The following SLC4A4 variants were observed in gnomAD, a reference collection of about 807,000 sequenced individuals.
SLC4A4 encodes solute carrier family 4 member 4.
Under a neutral mutation model 111.5 loss-of-function variants are expected in SLC4A4, and 27 were observed. That is an observed-to-expected ratio of 0.24 (90% confidence interval 0.18 to 0.33). SLC4A4 has a LOEUF of 0.33. Among genes scored for constraint, SLC4A4 ranks in the 10% least tolerant of loss-of-function variants. The pLI, the probability that SLC4A4 is intolerant of heterozygous loss-of-function variation, is 1.00. For synonymous variants in SLC4A4, 443 were observed against 463.4 expected (o/e 0.96, Z 0.57); for missense variants, 909 against 1,315.5 (o/e 0.69, Z 4.78).
At chr4:71,490,714 T>G (rs1431300933) in intron 15 of SLC4A4, among the ~76,000 whole-genome samples, 1 of 151,792 alleles carries the variant, frequency 6.6e-6, no homozygotes, top group East Asian at 2.0e-4. Flanking sequence ...CAGTCTTTCG[T>G]GTATTACCCA....
chr4:71,167,219 AC>A (rs771602634), intron 2 of SLC4A4, among the ~76,000 whole-genome samples: 9 of 152,146 alleles, frequency 5.9e-5, no homozygotes, highest in Non-Finnish European at 1.0e-4. Flanking sequence ...CAGACTACCT[AC>A]AGAGAGGTGG....
chr4:71,210,305 T>C (rs900441607), intron 1 of SLC4A4, among the ~76,000 whole-genome samples: 4 of 152,232 alleles, frequency 2.6e-5, no homozygotes, highest in African/African-American at 9.6e-5. Flanking sequence ...TTCTTGGCTG[T>C]TTAATAGCCA....
chr4:71,180,773 T>C (rs1229762656), intron 2 of SLC4A4, among the ~76,000 whole-genome samples: 1 of 152,118 alleles, frequency 6.6e-6, no homozygotes, highest in Non-Finnish European at 1.5e-5. Context: ...ATTCAACCAT[T>C]GTGGAAGTCA....
chr4:71,561,887 A>C (rs939608397), intron 23 of SLC4A4, among the ~76,000 whole-genome samples: 2 of 151,864 alleles, frequency 1.3e-5, no homozygotes, highest in Non-Finnish European at 2.9e-5. Flanking sequence ...GTACCTGGAC[A>C]TCAAATTTAA....
At chr4:71,121,294 G>A (rs553544155) in intron 2 of SLC4A4, among the ~76,000 whole-genome samples, 7 of 151,920 alleles carry the variant, frequency 4.6e-5, no homozygotes, top group South Asian at 2.1e-4. Flanking sequence ...CGTGGCGCCC[G>A]GTCTCATCGA....
At chr4:71,485,744 T>A (rs974071688) in intron 14 of SLC4A4, among the ~76,000 whole-genome samples, 5 of 94,712 alleles carry the variant, frequency 5.3e-5, no homozygotes, top group African/African-American at 1.4e-4. Context: ...GTTGTTTTTC[T>A]TGTTTTTTTT....
chr4:71,097,191 T>A lies in SLC4A4; in HGVS notation c.-2+4399T>A, dbSNP rs556837306. On this transcript the variant is annotated intron_variant, in intron 2 of 26. Coordinates refer to the SLC4A4 transcript ENST00000649996. ...CCTCCTCCCATCATCCACCCTTAAG[T>A]AGGTCCCAGTGTCTGTTGTTTCCCT... Among the ~76,000 whole-genome samples the A allele has an allele frequency of 1.5e-4, 23 of 152,230 alleles. No homozygotes were observed. In the South Asian group the frequency reaches 4.6e-3, roughly 30 times the overall value.
At chr4:71,175,763 C>T (rs563680443) in intron 2 of SLC4A4, among the ~76,000 whole-genome samples, 5 of 152,198 alleles carry the variant, frequency 3.3e-5, no homozygotes, top group Non-Finnish European at 7.3e-5. Flanking sequence ...CAGGGCATAG[C>T]CAAACAAAAG....
intron 6 of SLC4A4, 51 bp downstream of exon 6, chr4:71,357,238 C>G (rs1304643160): frequency 1.3e-6 from 2 of 1,542,984 alleles, no homozygotes; most frequent in African/African-American, 1.4e-5. Context: ...TTTCACTCAC[C>G]TTTACACCGT....
chr4:71,339,371 C>G lies in SLC4A4; in HGVS notation c.255C>G (p.Ile85Met), dbSNP rs1728699445. ...ACCACAGTATTTTCACTTCTGCAGT[C>G]TCTCCTGCTGCAGAACGCATCCGAT... ...ESSSSILKPL[I>M]SPAAERIRFI... is the part of the protein sequence containing the mutation. The change falls in exon 4 of 26, where the codon ATC becomes ATG. Residue 85 changes from isoleucine (I) to methionine (M), a missense_variant and splice_region_variant. Transcript: ENST00000264485. The G allele has an allele frequency of 1.9e-6, 3 of 1,614,004 alleles. No homozygotes were observed. The highest frequency in any genetic ancestry group is 2.2e-5 in the East Asian group (1 of 44,874).
intron 2 of SLC4A4, among the ~76,000 whole-genome samples, chr4:71,093,908 A>C (rs1052724731): frequency 3.9e-5 from 6 of 152,202 alleles, no homozygotes; most frequent in Non-Finnish European, 8.8e-5. Flanking sequence ...GGCAACTTTA[A>C]ATGTTCGAAA....
At chr4:71,290,198 A>G (rs755567927) in intron 3 of SLC4A4, among the ~76,000 whole-genome samples, 1 of 152,214 alleles carries the variant, frequency 6.6e-6, no homozygotes, top group Non-Finnish European at 1.5e-5. Flanking sequence ...AGTCTTGGCC[A>G]TCGACTTTGG....
chr4:71,421,190 T>C (rs1722445375), intron 7 of SLC4A4, among the ~76,000 whole-genome samples: 1 of 151,962 alleles, frequency 6.6e-6, no homozygotes, highest in Non-Finnish European at 1.5e-5. Flanking sequence ...TCAATCCTAG[T>C]CTCTGATAAA....
chr4:71,091,616 C>T (rs1039646612), intron 1 of SLC4A4, among the ~76,000 whole-genome samples: 3 of 151,976 alleles, frequency 2.0e-5, no homozygotes, highest in Admixed American at 6.6e-5. Flanking sequence ...TGGTTAAGTC[C>T]AAAATTCTCG....
intron 3 of SLC4A4, among the ~76,000 whole-genome samples, chr4:71,257,278 A>T (rs1001566506): frequency 1.3e-5 from 2 of 152,178 alleles, no homozygotes; most frequent in Non-Finnish European, 2.9e-5. Context: ...TCCTATGGAG[A>T]GACAGTTGTT....
Position 71,339,480 on chromosome 4 carries a change from G to A in SLC4A4, c.364G>A (p.Glu122Lys). 1.9e-6 allele frequency: 3 copies of A among 1,613,842 alleles called. No homozygotes were observed. Among genetic ancestry groups the A allele is most frequent in the Non-Finnish European group, 2.5e-6 (3 of 1,180,036 alleles). Residue 122 changes from glutamate to lysine, a missense_variant, in exon 4 of 26, where the codon GAG (glutamate) becomes AAG (lysine). Around this residue, in one of 7 missense-constraint regions of SLC4A4, gnomAD observed 117 missense variants for 154.2 expected, o/e 0.76. Transcript: ENST00000264485. ...LDELLAVDGQ[E>K]MEWKETARWI... is the part of the protein sequence containing the mutation. ...TGAGCTGCTGGCCGTGGATGGGCAGGAGATGGAGTGGAAGGAAACAGCCAG... is the reference window on the plus strand; with the variant it reads ...TGAGCTGCTGGCCGTGGATGGGCAGAAGATGGAGTGGAAGGAAACAGCCAG...
At chr4:71,564,441 T>G (rs1737285242) in intron 24 of SLC4A4, among the ~76,000 whole-genome samples, 1 of 151,924 alleles carries the variant, frequency 6.6e-6, no homozygotes, top group South Asian at 2.1e-4. Context: ...CATTCTCCCT[T>G]TTGCTATTTC....
chr4:71,277,889 G>T (rs1174400177), intron 3 of SLC4A4, among the ~76,000 whole-genome samples: 3 of 152,080 alleles, frequency 2.0e-5, no homozygotes, highest in Non-Finnish European at 4.4e-5. Context: ...GTTGATAAAG[G>T]ATTACTGCAA....
intron 7 of SLC4A4, among the ~76,000 whole-genome samples, chr4:71,405,117 A>G (rs1254736457): frequency 6.6e-6 from 1 of 152,064 alleles, no homozygotes; most frequent in Non-Finnish European, 1.5e-5. Context: ...TGCCCCACCC[A>G]TGGAATCATT....
Sources: allele counts gnomAD v4.1 joint callset (sites outside exome capture counted in the v4.1 genomes callset), GRCh38; gene constraint gnomAD v4.1.1; regional missense constraint gnomAD v4.1.1; transcripts MANE v1.5; gene names NCBI Gene and HGNC (gene_info 2026-07-23, HGNC 2026-07-21).